Variants in ALDH3B1 observed in about 807,000 individuals in gnomAD.
The protein encoded by ALDH3B1 is aldehyde dehydrogenase family 3 member B1.
A neutral mutation model predicts 46.2 loss-of-function variants in ALDH3B1; 37 were observed. That is an observed-to-expected ratio of 0.80 (90% CI 0.62 to 1.05). The LOEUF is 1.05. Ranked by LOEUF, ALDH3B1 falls within the 50% of genes least tolerant of loss-of-function variation. The probability of loss-of-function intolerance (pLI) is 0.00; values close to 1 mark genes in which losing one functional copy is unlikely to be tolerated. For missense variants in ALDH3B1, 603 were observed against 665.5 expected (o/e 0.91, Z 1.03); for synonymous variants, 283 against 281.0 (o/e 1.01, Z -0.07).
In ALDH3B1 at chr11:68,025,973, T is replaced by C. The variant is rs376862122; in HGVS notation, c.1117-36T>C. The C allele has an allele frequency of 2.0e-6, 3 of 1,473,798 alleles. No homozygotes were observed. The African/African-American group carries it at 4.2e-5, about 21-fold the overall frequency. The allele number at this position is 1,473,798 out of a possible 1,614,324, so 91.3% of individuals were successfully genotyped here. A position where few individuals can be genotyped will look rare whatever the true frequency, so the allele number is the denominator to read the frequency against. On this transcript the variant is annotated intron_variant, in intron 8 of 9. Coordinates refer to ENST00000342456, the MANE Select transcript of ALDH3B1 (RefSeq NM_000694.4). ...TGGGTCCTGAGGATCCTGATGGGGC[T>C]CAAGGCAGCCTCACGCACATCCTGT...
chr11:68,015,238 T>C (rs1256870550), intron 1 of ALDH3B1, 59 bp from the exon 2 acceptor site: 1 of 1,442,466 alleles, frequency 6.9e-7, no homozygotes, highest in Middle Eastern at 2.6e-4. Context: ...GGCGGCTGGG[T>C]GGTGCCCATG....
At chr11:68,009,608 C>T (rs1277373740), upstream of ALDH3B1, among the ~76,000 whole-genome samples, 1 of 152,244 alleles carries the variant, frequency 6.6e-6, no homozygotes, top group African/African-American at 2.4e-5. Context: ...CCGGGGGCTG[C>T]ATGCGTCAGC....
chr11:68,029,103 A>T lies in ALDH3B1; in HGVS notation c.*1164A>T, dbSNP rs1008671600. 53 of 152,206 alleles carry T rather than the reference A, an allele frequency of 3.5e-4. No homozygotes were observed. 9.4% of individuals were successfully genotyped at this position (152,206 alleles called of 1,614,324 possible). A position where few individuals can be genotyped will look rare whatever the true frequency, so the allele number is the denominator to read the frequency against. ...ATGCTTGAGAAACCTACATTTGGAC[A>T]ATGAGAGGCTGCTCCTGCGGCCTGC... On this transcript the variant is annotated 3_prime_UTR_variant, in exon 10 of 10. Coordinates refer to ENST00000342456, the MANE Select transcript of ALDH3B1 (RefSeq NM_000694.4).
At position 68,028,843 on chromosome 11, in the gene ALDH3B1, T is replaced by G. The variant is rs1198776201; in HGVS notation, c.*904T>G. The G allele has an allele frequency of 6.6e-6, 1 of 152,300 alleles. No individual in the cohort carries two copies. The highest frequency in any genetic ancestry group is 1.5e-5 in the Non-Finnish European group (1 of 68,152). The allele number at this position is 152,300 out of a possible 1,614,324, so 9.4% of individuals were successfully genotyped here. ...CTCTCCAGGCAGGTGGGGCTGTGGT[T>G]ATGCGATAGGGTCTCCCTTCCCTCC... On this transcript the variant is annotated 3_prime_UTR_variant, in exon 10 of 10. Transcript: ENST00000342456.
At chr11:68,010,596 C>T (rs1432835101) in intron 1 of ALDH3B1, among the ~76,000 whole-genome samples, 3 of 152,142 alleles carry the variant, frequency 2.0e-5, no homozygotes, top group African/African-American at 7.2e-5. Flanking sequence ...GGAGTGGCAG[C>T]GAGGTCCCGG....
chr11:68,017,726 G>A (rs1857382630), intron 2 of ALDH3B1: 1 of 152,322 alleles, frequency 6.6e-6, no homozygotes, highest in Non-Finnish European at 1.5e-5. Flanking sequence ...TTTACCTAGG[G>A]GTGGCTGTGC....
chr11:68,009,184 C>G (rs1174865910), upstream of ALDH3B1, among the ~76,000 whole-genome samples: 6 of 152,192 alleles, frequency 3.9e-5, no homozygotes. Context: ...CTCTCTGCCC[C>G]CACTTCCTCG....
At chr11:68,023,465 G>C (rs1484012685) in intron 8 of ALDH3B1, among the ~76,000 whole-genome samples, 1 of 151,810 alleles carries the variant, frequency 6.6e-6, no homozygotes, top group Non-Finnish European at 1.5e-5. Flanking sequence ...CACTATGCCC[G>C]GCTAATTCTT....
rs763314423 is a variant in ALDH3B1 at position 68,018,836 on chromosome 11, C to A, written c.337C>A (p.Pro113Thr). ...CTTTGGCCTGGTCCTCATCATTGCG[C>A]CCTGGAACTATCCGCTGAACCTGAC... ...EPFGLVLIIA[P>T]WNYPLNLTLV... The change falls in exon 4 of 10, where the codon CCC (proline) becomes ACC (threonine). Residue 113 changes from proline (P) to threonine (T), a missense_variant. Pro to Thr is a conservative substitution (Grantham distance 38, BLOSUM62 -1). Coordinates refer to ENST00000342456, the MANE Select transcript of ALDH3B1 (RefSeq NM_000694.4). 1.3e-6 allele frequency: 2 copies of A among 1,565,572 alleles called. No homozygotes were observed. Among genetic ancestry groups the A allele is most frequent in the South Asian group, 2.4e-5 (2 of 84,690 alleles).
rs979854661 is a variant in ALDH3B1 at position 68,018,874 on chromosome 11, C to T, written c.375C>T (p.Leu125=). The T allele has an allele frequency of 8.3e-6, 13 of 1,558,692 alleles. No homozygotes were observed. Among genetic ancestry groups the T allele is most frequent in the East Asian group, 2.4e-5 (1 of 41,392 alleles). The change falls in exon 4 of 10, where the codon CTC becomes CTT. Residue 125 remains leucine, a synonymous_variant. Coordinates refer to ENST00000342456, the MANE Select transcript of ALDH3B1 (RefSeq NM_000694.4). ...CGCTGAACCTGACGCTGGTGCCCCT[C>T]GTGGGAGCCCTCGCTGCAGGTGAGA... is the stretch of plus-strand genomic sequence containing the variant. ...NYPLNLTLVP[L]VGALAAGNCV...
intron 9 of ALDH3B1, among the ~76,000 whole-genome samples, chr11:68,027,404 G>A (rs1316916751): frequency 1.3e-5 from 2 of 152,168 alleles, no homozygotes; most frequent in Non-Finnish European, 1.5e-5. Flanking sequence ...AACCTTAGGA[G>A]GGAGGTACCC....
chr11:68,025,938 G>C (rs1857611322), intron 8 of ALDH3B1, 71 bp from the exon 9 acceptor site: 1 of 1,169,488 alleles, frequency 8.6e-7, no homozygotes, highest in African/African-American at 1.6e-5. Context: ...GTCCAGCATG[G>C]AACAGGCTCT....
chr11:68,008,936 A>G (rs772445586), upstream of ALDH3B1, among the ~76,000 whole-genome samples: 26 of 152,242 alleles, frequency 1.7e-4, no homozygotes, highest in Middle Eastern at 3.4e-3. Flanking sequence ...TGACAGGTGT[A>G]TCCGGGGCGG....
At position 68,015,122 on chromosome 11, in the gene ALDH3B1, C is replaced by T. The variant is rs1857316813; in HGVS notation, c.-1-175C>T. The stretch of plus-strand genomic sequence containing the variant: ...GTTGGGTGAAAGGGGTTGCAGGCAG[C>T]CTCAGTCCCTGTGGGGTCATCTGAG... On this transcript the variant is annotated intron_variant, in intron 1 of 9. Transcript: ENST00000342456. The T allele has an allele frequency of 9.6e-6, 6 of 626,796 alleles. No homozygotes were observed. The South Asian group carries it at 1.0e-4, about 11-fold the overall frequency. The allele number at this position is 626,796 out of a possible 1,614,324, so 38.8% of individuals were successfully genotyped here. A position where few individuals can be genotyped will look rare whatever the true frequency, so the allele number is the denominator to read the frequency against.
intron 7 of ALDH3B1, 143 bp from the exon 8 acceptor site, chr11:68,022,452 C>T (rs571489502): frequency 8.6e-7 from 1 of 1,167,898 alleles, no homozygotes; most frequent in African/African-American, 1.5e-5. Context: ...TCCCTAAACA[C>T]TCCAAAGCCT....
rs190665404 is a variant in ALDH3B1, at chr11:68,028,192, C to G, written c.*253C>G. Reference sequence around the variant, plus strand: ...AGTGCAGTGACTCACCCCCTGCCCCCGCACCAACCACCCATATTCAGGAGA... The same window carrying G: ...AGTGCAGTGACTCACCCCCTGCCCCGGCACCAACCACCCATATTCAGGAGA... On this transcript the variant is annotated 3_prime_UTR_variant, in exon 10 of 10. Transcript: ENST00000342456. 5.6e-5 allele frequency: 38 copies of G among 676,030 alleles called. No individual in the cohort carries two copies. Among genetic ancestry groups the G allele is most frequent in the South Asian group, 4.8e-4 (32 of 67,270 alleles). The allele number at this position is 676,030 out of a possible 1,614,324, so 41.9% of individuals were successfully genotyped here.
upstream of ALDH3B1, among the ~76,000 whole-genome samples, chr11:68,009,474 C>T (rs1189993461): frequency 6.6e-6 from 1 of 152,246 alleles, no homozygotes; most frequent in African/African-American, 2.4e-5. Context: ...CTGGGAGCAT[C>T]AGCAGACTTG....
In ALDH3B1 at chr11:68,028,252, T is replaced by C; in HGVS notation, c.*313T>C. The stretch of plus-strand genomic sequence containing the variant: ...ACACGGCACCTCTGAGTCACCCCTC[T>C]CCTGTGGAGCGGGCGTCCGAGGGGC... On this transcript the variant is annotated 3_prime_UTR_variant, in exon 10 of 10. Transcript: ENST00000342456. 1 of 521,854 alleles carries C rather than the reference T, an allele frequency of 1.9e-6. No individual in the cohort carries two copies. The highest frequency in any genetic ancestry group is 3.7e-6 in the Non-Finnish European group (1 of 273,260). The allele number at this position is 521,854 out of a possible 1,614,324, so 32.3% of individuals were successfully genotyped here.
chr11:68,027,882 C>A lies in ALDH3B1; in HGVS notation c.1350C>A (p.Arg450=), dbSNP rs770131325. Residue 450 remains arginine, a synonymous_variant, in exon 10 of 10, where the codon CGC becomes CGA. Coordinates refer to ENST00000342456, the MANE Select transcript of ALDH3B1 (RefSeq NM_000694.4). The stretch of plus-strand genomic sequence containing the variant: ...GCTACCCGCCGCAATCGCCGCGCCG[C>A]CTGAGGATGCTGCTGGTGGCCATGG... The part of the protein sequence containing the change: ...ALRYPPQSPR[R]LRMLLVAMEA... 48 of 1,563,892 alleles carry A rather than the reference C, an allele frequency of 3.1e-5. No homozygotes were observed. The highest frequency in any genetic ancestry group is 4.1e-5 in the African/African-American group (3 of 73,738).
Sources: allele counts gnomAD v4.1 joint callset (sites outside exome capture counted in the v4.1 genomes callset), GRCh38; gene constraint gnomAD v4.1.1; transcripts MANE v1.5; gene names NCBI Gene and HGNC (gene_info 2026-07-23, HGNC 2026-07-21).